Variants in CPLANE1 observed in about 807,000 individuals in gnomAD.
The protein encoded by CPLANE1 is ciliogenesis and planar polarity effector complex subunit 1, also known as ciliogenesis and planar polarity effector 1.
Under a neutral mutation model 362.5 loss-of-function variants are expected in CPLANE1, and 263 were observed. The observed-to-expected ratio is 0.73, with a 90% CI of 0.66 to 0.80. The LOEUF (loss-of-function observed/expected upper bound fraction) is 0.80. Among genes scored for constraint, CPLANE1 ranks in the 30% least tolerant of loss-of-function variants. The pLI is 0.00. For missense variants in CPLANE1, 3,461 were observed against 3,793.4 expected, an observed-to-expected ratio of 0.91 and a Z score of 2.30; for synonymous variants, 1,212 against 1,302.6, an observed-to-expected ratio of 0.93 and a Z score of 1.50.
intron 46 of CPLANE1, among the ~76,000 whole-genome samples, chr5:37,128,929 A>G (rs1192645801): frequency 6.6e-6 from 1 of 152,110 alleles, no homozygotes; most frequent in Non-Finnish European, 1.5e-5. Flanking sequence ...ATATGGAACC[A>G]AAAAAGAGCC....
In CPLANE1 at chr5:37,206,408, T is replaced by C. The variant is rs956289118; in HGVS notation, c.2938A>G (p.Ile980Val). Residue 980 changes from isoleucine to valine, a missense_variant, in exon 17 of 53, where the codon ATT (isoleucine) becomes GTT (valine). Transcript: ENST00000651892. ...HIKTEQSFRL[I>V]PLQHSKVASV... ...GCCACCTTAGAGTGTTGCAGAGGAA[T>C]AAGTCGAAAGGACTGCTCTGTGAGT... is the stretch of plus-strand genomic sequence containing the variant. 6.4e-7 allele frequency: 1 copy of C among 1,551,112 alleles called. No homozygotes were observed. Among genetic ancestry groups the C allele is most frequent in the African/African-American group, 1.4e-5 (1 of 73,040 alleles).
chr5:37,211,937 T>A (rs1288703736), intron 16 of CPLANE1: 1 of 808,738 alleles, frequency 1.2e-6, no homozygotes, highest in Admixed American at 1.7e-5. Context: ...CAGCTGTAGC[T>A]GCTGTGCCCC....
At chr5:37,197,604 C>T (rs1463765460) in intron 20 of CPLANE1, among the ~76,000 whole-genome samples, 1 of 152,110 alleles carries the variant, frequency 6.6e-6, no homozygotes, top group African/African-American at 2.4e-5. Flanking sequence ...TTCTGATGCA[C>T]AGAACCTGTG....
chr5:37,156,758 G>A (rs974179326), intron 41 of CPLANE1, among the ~76,000 whole-genome samples: 7 of 152,122 alleles, frequency 4.6e-5, no homozygotes, highest in African/African-American at 1.7e-4. Flanking sequence ...CCATAAAGAT[G>A]GAAACAACAG....
chr5:37,210,267 G>C lies in CPLANE1; in HGVS notation c.2920+3292C>G. On this transcript the variant is annotated intron_variant, in intron 16 of 52. Transcript: ENST00000651892. ...GGATTTGCTAAGAGGAAGAGAAGCA[G>C]AGCTGAAGCAAAGAGTTGAAGCTTT... 4 of 1,604,738 alleles carry C rather than the reference G, an allele frequency of 2.5e-6. No individual in the cohort carries two copies. In the East Asian group the frequency reaches 8.9e-5, roughly 36 times the overall value.
intron 16 of CPLANE1, among the ~76,000 whole-genome samples, 154 bp downstream of exon 16, chr5:37,213,403 CAG>C (rs1169407463): frequency 6.6e-6 from 1 of 152,186 alleles, no homozygotes; most frequent in African/African-American, 2.4e-5. Flanking sequence ...TTACTTTTCT[CAG>C]ATTCTATTCA....
intron 51 of CPLANE1, among the ~76,000 whole-genome samples, chr5:37,110,763 A>G (rs1758953044): frequency 6.7e-6 from 1 of 149,422 alleles, no homozygotes; most frequent in Non-Finnish European, 1.5e-5. Flanking sequence ...GCCCAAGATG[A>G]TGGAGATGAT....
intron 47 of CPLANE1, among the ~76,000 whole-genome samples, chr5:37,123,502 G>A (rs576789466): frequency 3.8e-4 from 58 of 152,176 alleles, no homozygotes; most frequent in Non-Finnish European, 6.8e-4. Context: ...AATCTTGAAT[G>A]AGACCACAAA....
At chr5:37,128,757 G>T (rs1178039070) in intron 46 of CPLANE1, among the ~76,000 whole-genome samples, 4 of 151,976 alleles carry the variant, frequency 2.6e-5, no homozygotes, top group Non-Finnish European at 5.9e-5. Flanking sequence ...TACTAGGGAG[G>T]CTGAGGCAGA....
At position 37,227,041 on chromosome 5, in the gene CPLANE1, T is replaced by C. The variant is rs886060583; in HGVS notation, c.1554A>G (p.Arg518=). Residue 518 remains arginine (R), a synonymous_variant, in exon 12 of 53, where the codon AGA becomes AGG. Coordinates refer to ENST00000651892, the MANE Select transcript of CPLANE1 (RefSeq NM_001384732.1). ...DFEAEETNEG[R]HFPDNLCPFW... ...AAGGACATAAGTTGTCTGGAAAGTGTCTGCCTTCGTTAGTTTCTTCTGCTT... is the reference window on the plus strand; with the variant it reads ...AAGGACATAAGTTGTCTGGAAAGTGCCTGCCTTCGTTAGTTTCTTCTGCTT... The C allele has an allele frequency of 2.6e-6, 4 of 1,547,376 alleles. No homozygotes were observed. The highest frequency in any genetic ancestry group is 2.4e-5 in the South Asian group (2 of 82,762).
the CPLANE1 span, among the ~76,000 whole-genome samples, chr5:37,088,443 G>A: frequency 6.6e-6 from 1 of 152,190 alleles, no homozygotes; most frequent in African/African-American, 2.4e-5. Context: ...TCTATGCGGA[G>A]ATCCAGGTCA....
chr5:37,186,917 C>T (rs1784159298), intron 23 of CPLANE1, among the ~76,000 whole-genome samples: 1 of 151,914 alleles, frequency 6.6e-6, no homozygotes, highest in Admixed American at 6.6e-5. Context: ...AAAAATTAGC[C>T]GGGCGTGTTG....
chr5:37,211,811 G>A, intron 16 of CPLANE1: 2 of 805,852 alleles, frequency 2.5e-6, no homozygotes, highest in Non-Finnish European at 4.5e-6. Context: ...ATGCGGACAA[G>A]CTAGCTTTTA....
the CPLANE1 span, among the ~76,000 whole-genome samples, chr5:37,083,725 A>T: frequency 0.12 from 18,057 of 152,242 alleles, 1,230 homozygotes; most frequent in Admixed American, 0.19. Flanking sequence ...TCCAACAAAG[A>T]CAAAGAAAAA....
At chr5:37,159,785 A>AG (rs1776360470) in intron 38 of CPLANE1, among the ~76,000 whole-genome samples, 1 of 152,204 alleles carries the variant, frequency 6.6e-6, no homozygotes, top group South Asian at 2.1e-4. Flanking sequence ...CGCTTTTTTA[A>AG]GGGGGATGGT....
chr5:37,160,494 A>AG (rs1776542668), intron 38 of CPLANE1, among the ~76,000 whole-genome samples: 1 of 151,158 alleles, frequency 6.6e-6, no homozygotes. Flanking sequence ...TGGCAGGCGG[A>AG]GGCAATCTTG....
At chr5:37,199,564 TA>T (rs1310784513) in intron 19 of CPLANE1, among the ~76,000 whole-genome samples, 1 of 152,234 alleles carries the variant, frequency 6.6e-6, no homozygotes, top group Non-Finnish European at 1.5e-5. Context: ...TTTGTCTTCG[TA>T]TGGCCACAGT....
chr5:37,245,968 T>TG, intron 2 of CPLANE1, 123 bp from the exon 3 acceptor site: 1 of 986,852 alleles, frequency 1.0e-6, no homozygotes, highest in Non-Finnish European at 1.4e-6. Flanking sequence ...GTACCACAAA[T>TG]CATAAAATGA....
intron 42 of CPLANE1, among the ~76,000 whole-genome samples, chr5:37,153,255 G>A (rs570704773): frequency 6.6e-6 from 1 of 152,140 alleles, no homozygotes; most frequent in South Asian, 2.1e-4. Flanking sequence ...AGCATCTTCA[G>A]GGAAGATGGC....
Sources: gnomAD v4.1 joint callset for allele counts (sites outside exome capture counted in the v4.1 genomes callset) on GRCh38, gnomAD v4.1.1 for gene constraint, MANE v1.5 for transcripts, NCBI Gene and HGNC (gene_info 2026-07-23, HGNC 2026-07-21) for gene names.